Variants in SHC3 observed in about 807,000 individuals in gnomAD.
The protein encoded by SHC3 is SHC adaptor protein 3, also known as SHC-transforming protein 3.
A neutral mutation model predicts 60.4 loss-of-function variants in SHC3; 15 were observed. The ratio of observed to expected loss-of-function variants is 0.25; its 90% CI spans 0.17 to 0.38. The LOEUF (loss-of-function observed/expected upper bound fraction) is 0.38. Among genes scored for constraint, SHC3 ranks in the 10% least tolerant of loss-of-function variants. The pLI, the probability that SHC3 is intolerant of heterozygous loss-of-function variation, is 1.00. For missense variants in SHC3, 677 were observed against 786.1 expected (o/e 0.86, Z 1.66); for synonymous variants, 294 against 325.9 (o/e 0.90, Z 1.05).
In SHC3 at chr9:89,045,781, A is replaced by G; in HGVS notation, c.1166T>C (p.Phe389Ser). The G allele has an allele frequency of 1.9e-6, 3 of 1,614,156 alleles. No individual in the cohort carries two copies. The highest frequency in any genetic ancestry group is 1.3e-5 in the African/African-American group (1 of 75,038). ...YYQGRHLGDT[F>S]GEDWQQTPLR... ...AGGTGTTTGCTGCCAGTCTTCGCCA[A>G]AAGTGTCTCCTAAGTGTCTTCCCTG... Residue 389 changes from phenylalanine (F) to serine (S), a missense_variant, in exon 9 of 12, where the codon TTT becomes TCT. Transcript: ENST00000375835.
chr9:89,062,977 GATCCACCCTCCCTGCCCACACTGTC>G lies in SHC3; in HGVS notation c.835+2527_835+2551del, dbSNP rs1825115453. ...CTGGGCTGCTGGAGGGATGCAGTTA[GATCCACCCTCCCTGCCCACACTGTC>G]ATCCGGTAGGCTGGGCCTCCTCACA... On this transcript the variant is annotated intron_variant, in intron 6 of 11. Transcript: ENST00000375835. 2.0e-5 allele frequency among the ~76,000 whole-genome samples: 3 copies of G among 152,332 alleles called. No individual in the cohort carries two copies. The South Asian group carries it at 6.2e-4, about 32-fold the overall frequency.
chr9:89,039,285 C>T (rs1824635690), intron 10 of SHC3, among the ~76,000 whole-genome samples: 1 of 152,196 alleles, frequency 6.6e-6, no homozygotes, highest in African/African-American at 2.4e-5. Context: ...TCAACAGATG[C>T]TGTAAAATAA....
At chr9:89,121,369 C>T (rs1826089904) in intron 1 of SHC3, among the ~76,000 whole-genome samples, 1 of 152,094 alleles carries the variant, frequency 6.6e-6, no homozygotes, top group South Asian at 2.1e-4. Flanking sequence ...CAGCTCACCG[C>T]AACCTCTGCC....
chr9:89,140,966 A>G (rs1236330668), intron 1 of SHC3, among the ~76,000 whole-genome samples: 1 of 152,196 alleles, frequency 6.6e-6, no homozygotes, highest in Non-Finnish European at 1.5e-5. Context: ...TTTTAAATTA[A>G]TTAAGCTGAT....
At chr9:89,038,534 GGGA>G (rs1467848511) in intron 10 of SHC3, among the ~76,000 whole-genome samples, 10 of 152,154 alleles carry the variant, frequency 6.6e-5, no homozygotes, top group Non-Finnish European at 7.4e-5. Context: ...CAAGACAGCT[GGGA>G]GTTGTGCTAT....
intron 5 of SHC3, among the ~76,000 whole-genome samples, chr9:89,066,753 T>A (rs967946132): frequency 6.6e-6 from 1 of 152,198 alleles, no homozygotes; most frequent in Non-Finnish European, 1.5e-5. Flanking sequence ...AAAGGCTCTG[T>A]CGTGACTTGC....
chr9:89,116,597 A>G (rs1463163110), intron 1 of SHC3, among the ~76,000 whole-genome samples: 1 of 152,242 alleles, frequency 6.6e-6, no homozygotes, highest in African/African-American at 2.4e-5. Context: ...CACCATAAAC[A>G]ATGATGCAAA....
intron 1 of SHC3, among the ~76,000 whole-genome samples, chr9:89,118,163 A>T (rs1826042771): frequency 6.6e-6 from 1 of 150,970 alleles, no homozygotes; most frequent in African/African-American, 2.4e-5. Context: ...CTTTTTTTTT[A>T]AAGTGTTGGT....
chr9:89,026,254 C>CAAAAAAAAAAAAAAAAAAAACAA (rs1826298683), intron 11 of SHC3, among the ~76,000 whole-genome samples: 1 of 102,154 alleles, frequency 9.8e-6, no homozygotes, highest in African/African-American at 3.8e-5. Flanking sequence ...AACTACATCT[C>CAAAAAAAAAAAAAAAAAAAACAA]AAAAAAAAAA....
chr9:89,174,410 C>T (rs1223232102), intron 1 of SHC3, among the ~76,000 whole-genome samples: 4 of 152,156 alleles, frequency 2.6e-5, no homozygotes, highest in African/African-American at 7.2e-5. Flanking sequence ...ATAAATAGCT[C>T]GCCATTTTCA....
intron 1 of SHC3, among the ~76,000 whole-genome samples, chr9:89,164,036 G>A (rs1250398033): frequency 6.6e-6 from 1 of 152,004 alleles, no homozygotes; most frequent in Non-Finnish European, 1.5e-5. Flanking sequence ...TAACACCATC[G>A]AATTAGGGTT....
intron 1 of SHC3, among the ~76,000 whole-genome samples, chr9:89,171,343 T>TA (rs1413110264): frequency 6.6e-6 from 1 of 152,312 alleles, no homozygotes; most frequent in East Asian, 1.9e-4. Context: ...GCCAAACAAT[T>TA]ATATTTAATG....
chr9:89,051,170 G>A (rs1824855797), intron 7 of SHC3, among the ~76,000 whole-genome samples: 1 of 152,152 alleles, frequency 6.6e-6, no homozygotes, highest in Non-Finnish European at 1.5e-5. Flanking sequence ...AGGCATAGAA[G>A]AATGTGGCTT....
chr9:89,070,326 C>G (rs376505088), intron 5 of SHC3, among the ~76,000 whole-genome samples: 1 of 152,134 alleles, frequency 6.6e-6, no homozygotes, highest in Admixed American at 6.5e-5. Context: ...GGAGGGTGAG[C>G]CTTCTTCCCT....
Position 89,038,119 on chromosome 9 carries a change from C to T in SHC3, c.1530G>A (p.Glu510=), listed in dbSNP as rs775304869. The T allele has an allele frequency of 1.2e-6, 2 of 1,614,096 alleles. No individual in the cohort carries two copies. The highest frequency in any genetic ancestry group is 2.2e-5 in the East Asian group (1 of 44,862). Residue 510 remains glutamate, a synonymous_variant, in exon 11 of 12, where the codon GAG becomes GAA. Coordinates refer to ENST00000375835, the MANE Select transcript of SHC3 (RefSeq NM_016848.6). ...YQGEMSRKEA[E]GLLEKDGDFL... ...AGTCTCCGTCTTTCTCCAGCAGCCC[C>T]TCTGCCTCCTTCCTGCTCATCTCTC...
At chr9:89,135,411 T>TA (rs1243774983) in intron 1 of SHC3, among the ~76,000 whole-genome samples, 1 of 151,892 alleles carries the variant, frequency 6.6e-6, no homozygotes, top group Non-Finnish European at 1.5e-5. Context: ...GGTTTGGCTT[T>TA]AAAAAAAAGT....
chr9:89,044,997 G>A (rs1317233391), intron 9 of SHC3, among the ~76,000 whole-genome samples: 1 of 152,128 alleles, frequency 6.6e-6, no homozygotes, highest in South Asian at 2.1e-4. Flanking sequence ...CTGAGTAAAG[G>A]GAAGGAGAAC....
In SHC3 at chr9:89,178,527, G is replaced by C; in HGVS notation, c.-67C>G. 1 of 1,356,072 alleles carries C rather than the reference G, an allele frequency of 7.4e-7. No individual in the cohort carries two copies. The highest frequency in any genetic ancestry group is 1.5e-5 in the African/African-American group (1 of 65,470). 84.0% of individuals were successfully genotyped at this position (1,356,072 alleles called of 1,614,324 possible). A position where few individuals can be genotyped will look rare whatever the true frequency, so the allele number is the denominator to read the frequency against. On this transcript the variant is annotated 5_prime_UTR_variant, in exon 1 of 12. Coordinates refer to ENST00000375835, the MANE Select transcript of SHC3 (RefSeq NM_016848.6). This position sits in a 1 kb window ranked among gnomAD's most constrained non-coding sequence, Gnocchi z 6.9. ...TGCCGGCCCCGGCGCGGGCTGCCGC[G>C]CATAGCAGGCGAGCCACTGTCCCCG...
At chr9:89,175,579 G>C (rs901216954) in intron 1 of SHC3, among the ~76,000 whole-genome samples, 2 of 152,168 alleles carry the variant, frequency 1.3e-5, no homozygotes, top group South Asian at 2.1e-4. Context: ...GTATTTCTTT[G>C]AGGGGGAAAA....
Sources: allele counts gnomAD v4.1 joint callset (sites outside exome capture counted in the v4.1 genomes callset), GRCh38; gene constraint gnomAD v4.1.1; non-coding constraint Gnocchi (gnomAD v3.1); transcripts MANE v1.5; gene names NCBI Gene and HGNC (gene_info 2026-07-23, HGNC 2026-07-21).